The following NECTIN3 variants were observed in gnomAD, a reference collection of about 807,000 sequenced individuals.
NECTIN3 encodes the protein nectin-3.
A neutral mutation model predicts 49.4 loss-of-function variants in NECTIN3; 8 were observed. The observed-to-expected ratio is 0.16, with a 90% CI of 0.10 to 0.29. The LOEUF is 0.29. Ranked by LOEUF, NECTIN3 falls within the 10% of genes least tolerant of loss-of-function variation. The probability of loss-of-function intolerance (pLI) is 1.00; values close to 1 mark genes in which losing one functional copy is unlikely to be tolerated. For synonymous variants in NECTIN3, 277 were observed against 241.1 expected (o/e 1.15, Z -1.38); for missense variants, 581 against 654.6 (o/e 0.89, Z 1.23).
intron 1 of NECTIN3, among the ~76,000 whole-genome samples, chr3:111,110,699 T>C (rs1246450278): frequency 6.6e-6 from 1 of 151,104 alleles, no homozygotes; most frequent in South Asian, 2.1e-4. Context: ...AACATGAGAG[T>C]AAATTTTCAG....
chr3:111,183,561 G>A (rs545698049), intron 7 of NECTIN3, among the ~76,000 whole-genome samples: 174 of 152,096 alleles, frequency 1.1e-3, no homozygotes, highest in African/African-American at 3.8e-3. Context: ...TGATCTGCCC[G>A]CCTCAGCCTC....
chr3:111,179,722 G>A (rs1270735199), intron 7 of NECTIN3, among the ~76,000 whole-genome samples: 4 of 151,882 alleles, frequency 2.6e-5, no homozygotes, highest in African/African-American at 4.8e-5. Flanking sequence ...GTGAAACCCC[G>A]TCTCTACTAA....
In NECTIN3 at chr3:111,118,710, A is replaced by G. The variant is rs1386128608; in HGVS notation, c.557A>G (p.Asn186Ser). The G allele has an allele frequency of 1.2e-6, 2 of 1,613,748 alleles. No homozygotes were observed. Among genetic ancestry groups the G allele is most frequent in the Non-Finnish European group, 1.7e-6 (2 of 1,179,836 alleles). The change falls in exon 3 of 6, where the codon AAT (asparagine) becomes AGT (serine). Residue 186 changes from asparagine to serine, a missense_variant. By Grantham distance (46) the Asn-to-Ser change is conservative (BLOSUM62 1). Coordinates refer to ENST00000485303, the MANE Select transcript of NECTIN3 (RefSeq NM_015480.3). ...CCAGATTCTTTAATTGATGGAGGAA[A>G]TGAAACAGTAGCAGCCATTTGCATC... ...KGPDSLIDGG[N>S]ETVAAICIAA...
At chr3:111,142,539 G>GT (rs968220500), downstream of NECTIN3, among the ~76,000 whole-genome samples, 4 of 151,748 alleles carry the variant, frequency 2.6e-5, no homozygotes, top group Non-Finnish European at 5.9e-5. Context: ...TAATTAAAAT[G>GT]TTTAAGAATA....
rs1312268820 is a variant in NECTIN3, at chr3:111,137,184, G to A, written c.*2969G>A. On this transcript the variant is annotated 3_prime_UTR_variant, in exon 6 of 6. Coordinates refer to ENST00000485303, the MANE Select transcript of NECTIN3 (RefSeq NM_015480.3). ...TTTTGATAAATACTGCTAAAACACA[G>A]TATATGAACAAGTAAGAAGTTTATG... The A allele has an allele frequency of 1.1e-6, 1 of 937,016 alleles. No individual in the cohort carries two copies. 58.0% of individuals were successfully genotyped at this position (937,016 alleles called of 1,614,324 possible). A position where few individuals can be genotyped will look rare whatever the true frequency, so the allele number is the denominator to read the frequency against.
chr3:111,082,208 A>T (rs1159801370), intron 1 of NECTIN3, among the ~76,000 whole-genome samples: 1 of 152,176 alleles, frequency 6.6e-6, no homozygotes, highest in Non-Finnish European at 1.5e-5. Flanking sequence ...CAATCCAGTA[A>T]GGTTTCACAT....
Position 111,133,755 on chromosome 3 carries a change from T to A in NECTIN3, c.1190T>A (p.Ile397Asn). Residue 397 changes from isoleucine (I) to asparagine (N), a missense_variant, in exon 6 of 6, where the codon ATT (isoleucine) becomes AAT (asparagine). Physicochemically the swap from Ile to Asn is moderately radical, Grantham distance 149. Coordinates refer to ENST00000485303, the MANE Select transcript of NECTIN3 (RefSeq NM_015480.3). ...TTCCCATTGTCAACTTTGGCAACAA[T>A]TAAGGATGACACAATTGCCACGATC... The part of the protein sequence containing the change: ...LPFPLSTLAT[I>N]KDDTIATIIA... 6.2e-7 allele frequency: 1 copy of A among 1,613,934 alleles called. No individual in the cohort carries two copies. Among genetic ancestry groups the A allele is most frequent in the East Asian group, 2.2e-5 (1 of 44,872 alleles).
intron 4 of NECTIN3, among the ~76,000 whole-genome samples, chr3:111,124,798 G>A (rs1487807647): frequency 6.6e-6 from 1 of 151,974 alleles, no homozygotes; most frequent in African/African-American, 2.4e-5. Context: ...TATTCCCTGT[G>A]TAATCATTTG....
intron 7 of NECTIN3, among the ~76,000 whole-genome samples, chr3:111,167,194 T>C (rs920166509): frequency 6.6e-6 from 1 of 152,246 alleles, no homozygotes; most frequent in East Asian, 1.9e-4. Context: ...TTTAAAGAGA[T>C]AACTCTACAT....
At chr3:111,141,033 G>T (rs914667916), downstream of NECTIN3, among the ~76,000 whole-genome samples, 1 of 151,752 alleles carries the variant, frequency 6.6e-6, no homozygotes, top group African/African-American at 2.4e-5. Flanking sequence ...TGCATTCCTG[G>T]CACTTAGCAC....
chr3:111,147,400 C>T, intron 6 of NECTIN3: 2 of 1,521,308 alleles, frequency 1.3e-6, no homozygotes, highest in Non-Finnish European at 1.8e-6. Context: ...CTTTGCAATG[C>T]AGGATTGACC....
chr3:111,165,638 A>G (rs2035304670), intron 7 of NECTIN3, among the ~76,000 whole-genome samples: 1 of 152,214 alleles, frequency 6.6e-6, no homozygotes, highest in South Asian at 2.1e-4. Context: ...TGATTTTCCC[A>G]GAGGGCAAAC....
intron 1 of NECTIN3, among the ~76,000 whole-genome samples, chr3:111,085,467 G>A (rs1040662191): frequency 2.6e-5 from 4 of 152,086 alleles, no homozygotes; most frequent in Admixed American, 6.6e-5. Context: ...ATAAATGTGC[G>A]GTTGGATGAA....
At position 111,112,168 on chromosome 3, in the gene NECTIN3, A is replaced by T. The variant is rs1410208045; in HGVS notation, c.299A>T (p.Gln100Leu). The T allele has an allele frequency of 6.2e-7, 1 of 1,613,920 alleles. No homozygotes were observed. The highest frequency in any genetic ancestry group is 1.3e-5 in the African/African-American group (1 of 75,016). The change falls in exon 2 of 6, where the codon CAG becomes CTG. Residue 100 changes from glutamine to leucine, a missense_variant. Physicochemically the swap from Gln to Leu is moderately radical, Grantham distance 113. Around this residue, in one of 3 missense-constraint regions of NECTIN3, gnomAD observed 234 missense variants for 340.6 expected, o/e 0.69. Coordinates refer to ENST00000485303, the MANE Select transcript of NECTIN3 (RefSeq NM_015480.3). ...SWEKIHGKSS[Q>L]TVAVHHPQYG... The stretch of plus-strand genomic sequence containing the variant: ...GAGAAGATACATGGCAAAAGTTCAC[A>T]GACTGTTGCAGTTCACCATCCCCAA...
chr3:111,178,950 A>G (rs2035580259), intron 7 of NECTIN3, among the ~76,000 whole-genome samples: 1 of 152,258 alleles, frequency 6.6e-6, no homozygotes, highest in Admixed American at 6.5e-5. Context: ...GTGTAAGACT[A>G]TGAGTATAAC....
chr3:111,157,046 T>C (rs746361647), intron 7 of NECTIN3, among the ~76,000 whole-genome samples: 12 of 152,130 alleles, frequency 7.9e-5, no homozygotes, highest in Non-Finnish European at 1.3e-4. Flanking sequence ...CACAATGACA[T>C]ATGTTTATTC....
At chr3:111,147,118 A>G (rs1443038205) in intron 6 of NECTIN3, among the ~76,000 whole-genome samples, 1 of 152,166 alleles carries the variant, frequency 6.6e-6, no homozygotes, top group African/African-American at 2.4e-5. Flanking sequence ...ACTAAAGTAA[A>G]GTCATATACT....
intron 7 of NECTIN3, among the ~76,000 whole-genome samples, chr3:111,172,486 A>G (rs1304812720): frequency 6.6e-6 from 1 of 152,106 alleles, no homozygotes; most frequent in African/African-American, 2.4e-5. Context: ...CTTTGGATTA[A>G]CTCAGATTCT....
At chr3:111,114,258 T>C (rs879767576) in intron 2 of NECTIN3, among the ~76,000 whole-genome samples, 9 of 152,284 alleles carry the variant, frequency 5.9e-5, no homozygotes, top group East Asian at 1.9e-4. Context: ...TTTTAACCTA[T>C]GCTTTTATGG....
Sources: allele counts gnomAD v4.1 joint callset (sites outside exome capture counted in the v4.1 genomes callset), GRCh38; gene constraint gnomAD v4.1.1; regional missense constraint gnomAD v4.1.1; transcripts MANE v1.5; gene names NCBI Gene and HGNC (gene_info 2026-07-23, HGNC 2026-07-21).